Variants in TBC1D30 observed in about 807,000 individuals in gnomAD.
TBC1D30 encodes the protein TBC1 domain family member 30, also known as TBC1 domain family, member 30.
Under a neutral mutation model 63.2 loss-of-function variants are expected in TBC1D30, and 31 were observed. That is an observed-to-expected ratio of 0.49 (90% CI 0.37 to 0.66). The LOEUF is 0.66. Ranked by LOEUF, TBC1D30 falls within the 30% of genes least tolerant of loss-of-function variation. TBC1D30 has a pLI of 0.00. For missense variants in TBC1D30, 810 were observed against 953.6 expected (o/e 0.85, Z 1.98); for synonymous variants, 307 against 361.5 (o/e 0.85, Z 1.71).
intron 8 of TBC1D30, among the ~76,000 whole-genome samples, chr12:64,848,364 T>A (rs1876573799): frequency 6.6e-6 from 1 of 152,018 alleles, no homozygotes; most frequent in Non-Finnish European, 1.5e-5. Flanking sequence ...CGTGGTGGTT[T>A]GTGGCCCCCA....
intron 8 of TBC1D30, among the ~76,000 whole-genome samples, chr12:64,849,543 T>C (rs1306023027): frequency 6.6e-6 from 1 of 152,338 alleles, no homozygotes; most frequent in Admixed American, 6.5e-5. Context: ...CTTTCCCCAT[T>C]GCTCGTTTGT....
Position 64,765,470 on chromosome 12 carries a change from C to T in TBC1D30, c.-376+5821C>T, listed in dbSNP as rs578207893. 8.0e-5 allele frequency among the ~76,000 whole-genome samples: 8 copies of T among 100,190 alleles called. No homozygotes were observed. In the East Asian group the frequency reaches 1.4e-3, roughly 18 times the overall value. 65.7% of individuals were successfully genotyped at this position (100,190 alleles called of 152,430 possible). On this transcript the variant is annotated intron_variant, in intron 1 of 13. Coordinates refer to the TBC1D30 transcript ENST00000674237. ...CGCCACTACACTCCAGTAGCCTGGGCGACAGAGCAAGACTGTCTCCAAAAA... is the reference window on the plus strand; with the variant it reads ...CGCCACTACACTCCAGTAGCCTGGGTGACAGAGCAAGACTGTCTCCAAAAA...
At chr12:64,851,210 T>C (rs2136425318) in intron 8 of TBC1D30, among the ~76,000 whole-genome samples, 1 of 152,294 alleles carries the variant, frequency 6.6e-6, no homozygotes, top group East Asian at 1.9e-4. Flanking sequence ...GTTAATCTTT[T>C]CAAAAAACCA....
chr12:64,786,123 T>A, intron 2 of TBC1D30: 1 of 1,127,042 alleles, frequency 8.9e-7, no homozygotes, highest in African/African-American at 1.6e-5. Flanking sequence ...AGTCTGTGTT[T>A]GTGAATATAT....
rs529396467 is a variant in TBC1D30 at position 64,876,151 on chromosome 12, C to T, written c.*363C>T. 144 of 198,612 alleles carry T rather than the reference C, an allele frequency of 7.3e-4. No individual in the cohort carries two copies. The highest frequency in any genetic ancestry group is 3.0e-3 in the African/African-American group (129 of 42,760). The allele number at this position is 198,612 out of a possible 1,614,324, so 12.3% of individuals were successfully genotyped here. On this transcript the variant is annotated 3_prime_UTR_variant, in exon 12 of 12. Coordinates refer to ENST00000539867, the MANE Select transcript of TBC1D30 (RefSeq NM_015279.2). ...GAGTCCCTGTGACAGCACCCCCAAACCTTCCAGTTCTCTGGGTGTTACTAA... is the reference window on the plus strand; with the variant it reads ...GAGTCCCTGTGACAGCACCCCCAAATCTTCCAGTTCTCTGGGTGTTACTAA...
intron 2 of TBC1D30, among the ~76,000 whole-genome samples, chr12:64,788,938 T>C (rs1009535298): frequency 6.6e-6 from 1 of 152,214 alleles, no homozygotes; most frequent in African/African-American, 2.4e-5. Flanking sequence ...AGGTTAGATA[T>C]TTCATGACTA....
At chr12:64,826,528 C>A (rs1266721014) in intron 1 of TBC1D30, among the ~76,000 whole-genome samples, 1 of 152,172 alleles carries the variant, frequency 6.6e-6, no homozygotes, top group Non-Finnish European at 1.5e-5. Context: ...CGGACAGCAA[C>A]CTCACTTGTT....
chr12:64,777,459 C>T (rs1871115377), upstream of TBC1D30, among the ~76,000 whole-genome samples: 1 of 152,100 alleles, frequency 6.6e-6, no homozygotes, highest in Admixed American at 6.5e-5. Flanking sequence ...TCCTAAACAC[C>T]AACAACAGTC....
chr12:64,815,196 A>G (rs77556839), intron 2 of TBC1D30, among the ~76,000 whole-genome samples: 1,955 of 152,296 alleles, frequency 0.013, 19 homozygotes, highest in South Asian at 0.048. Flanking sequence ...TTTTGAGTCA[A>G]TTTTTTAATA....
rs774145443 is a variant in TBC1D30 at position 64,807,918 on chromosome 12, G to GT, written c.644-19900dup. On this transcript the variant is annotated intron_variant, in intron 2 of 12. Transcript: ENST00000542120. ...GCCCATGCCACCCTGCCTAATTTAA[G>GT]TTTTTTTTTTTTTTTTTGTAGAGCT... Among the ~76,000 whole-genome samples, 619 of 93,492 alleles carry GT rather than the reference G, an allele frequency of 6.6e-3. 32 individuals carry two copies. The highest frequency in any genetic ancestry group is 0.016 in the African/African-American group (282 of 18,114). 61.3% of individuals were successfully genotyped at this position (93,492 alleles called of 152,430 possible).
At chr12:64,825,338 G>C in intron 1 of TBC1D30, 1 of 359,772 alleles carries the variant, frequency 2.8e-6, no homozygotes, top group Non-Finnish European at 5.0e-6. Context: ...GGAAGTGCGG[G>C]TGGCTGCCCG....
chr12:64,851,970 C>T (rs188116565), intron 8 of TBC1D30, among the ~76,000 whole-genome samples: 5 of 152,102 alleles, frequency 3.3e-5, no homozygotes, highest in Non-Finnish European at 7.4e-5. Context: ...TCATTTCAAC[C>T]TTGGTGAATC....
intron 1 of TBC1D30, among the ~76,000 whole-genome samples, chr12:64,760,455 C>G (rs1181155370): frequency 6.6e-6 from 1 of 151,936 alleles, no homozygotes; most frequent in African/African-American, 2.4e-5. Context: ...CCCAGCTACT[C>G]GGGAGGCTGA....
intron 2 of TBC1D30, among the ~76,000 whole-genome samples, chr12:64,813,575 A>C (rs753532704): frequency 7.2e-5 from 11 of 152,198 alleles, no homozygotes; most frequent in Non-Finnish European, 1.3e-4. Flanking sequence ...GCTGACTGCC[A>C]TTATATCTAG....
intron 1 of TBC1D30, among the ~76,000 whole-genome samples, chr12:64,760,487 C>T (rs1009870423): frequency 5.9e-5 from 9 of 151,964 alleles, no homozygotes; most frequent in Non-Finnish European, 2.9e-5. Context: ...CGCTTGAACC[C>T]GGGAGGCGGA....
intron 1 of TBC1D30, among the ~76,000 whole-genome samples, chr12:64,773,049 T>C (rs1870962032): frequency 6.6e-6 from 1 of 152,236 alleles, no homozygotes; most frequent in African/African-American, 2.4e-5. Context: ...TTAATATGCA[T>C]TTCCTAAATT....
intron 8 of TBC1D30, among the ~76,000 whole-genome samples, chr12:64,856,996 C>A (rs889292462): frequency 6.6e-6 from 1 of 152,044 alleles, no homozygotes; most frequent in Non-Finnish European, 1.5e-5. Flanking sequence ...GGGCAGTGGG[C>A]TCCCCACTGC....
At chr12:64,849,701 G>T (rs1371617195) in intron 8 of TBC1D30, among the ~76,000 whole-genome samples, 1 of 152,108 alleles carries the variant, frequency 6.6e-6, no homozygotes, top group Non-Finnish European at 1.5e-5. Context: ...TGAAGTCGGG[G>T]TAGTGTGATG....
chr12:64,840,657 A>G (rs1592620715), intron 7 of TBC1D30, among the ~76,000 whole-genome samples: 1 of 152,338 alleles, frequency 6.6e-6, no homozygotes, highest in East Asian at 1.9e-4. Context: ...AGGCACACAG[A>G]AGTTCAGTTA....
Sources: gnomAD v4.1 joint callset for allele counts (sites outside exome capture counted in the v4.1 genomes callset) on GRCh38, gnomAD v4.1.1 for gene constraint, MANE v1.5 for transcripts, NCBI Gene and HGNC (gene_info 2026-07-23, HGNC 2026-07-21) for gene names.